Variants in ELOVL4 observed in about 807,000 individuals in gnomAD.
The protein encoded by ELOVL4 is very long chain fatty acid elongase 4.
A neutral mutation model predicts 42.1 loss-of-function variants in ELOVL4; 18 were observed. The observed-to-expected ratio is 0.43, with a 90% CI of 0.30 to 0.63. The LOEUF is 0.63. ELOVL4 is among the 30% of genes least tolerant of loss of function. ELOVL4 has a pLI of 0.15. For synonymous variants in ELOVL4, 117 were observed against 127.0 expected (o/e 0.92, Z 0.53); for missense variants, 299 against 376.2 (o/e 0.79, Z 1.70).
At chr6:79,926,136 C>T in intron 2 of ELOVL4, 58 bp downstream of exon 2, 2 of 1,442,770 alleles carry the variant, frequency 1.4e-6, no homozygotes, top group Non-Finnish European at 1.9e-6. Flanking sequence ...TTTACACATT[C>T]TCATTTTTAA....
chr6:79,926,401 C>G lies in ELOVL4; in HGVS notation c.101-20G>C. ...GCTTATCTATAGAGAGAACAAAATA[C>G]CATAAAATTCATTAATCAGTAAATG... On this transcript the variant is annotated intron_variant, in intron 1 of 5. Coordinates refer to ENST00000369816, the MANE Select transcript of ELOVL4 (RefSeq NM_022726.4). The G allele has an allele frequency of 6.2e-7, 1 of 1,605,146 alleles. No homozygotes were observed. Among genetic ancestry groups the G allele is most frequent in the Non-Finnish European group, 8.5e-7 (1 of 1,172,970 alleles).
chr6:79,929,564 C>G (rs895886627), intron 1 of ELOVL4, among the ~76,000 whole-genome samples: 2 of 152,166 alleles, frequency 1.3e-5, no homozygotes, highest in Non-Finnish European at 2.9e-5. Flanking sequence ...TCTAAGAAGA[C>G]CACATTTTCC....
chr6:79,929,984 G>C (rs1774415962), intron 1 of ELOVL4, among the ~76,000 whole-genome samples: 1 of 152,104 alleles, frequency 6.6e-6, no homozygotes, highest in African/African-American at 2.4e-5. Flanking sequence ...TATCCTTTCT[G>C]CCAAATCCAA....
At position 79,915,679 on chromosome 6, in the gene ELOVL4, C is replaced by T. The variant is rs574200602; in HGVS notation, c.*929G>A. 17 of 152,468 alleles carry T rather than the reference C, an allele frequency of 1.1e-4. No individual in the cohort carries two copies. The South Asian group carries it at 1.7e-3, about 15-fold the overall frequency. 9.4% of individuals were successfully genotyped at this position (152,468 alleles called of 1,614,324 possible). ...ATTTAATTTTAAATGTTCTTTCCAA[C>T]GGAAGAGGTAGGTATATTTCCACAT... On this transcript the variant is annotated 3_prime_UTR_variant, in exon 6 of 6. Coordinates refer to ENST00000369816, the MANE Select transcript of ELOVL4 (RefSeq NM_022726.4).
intron 4 of ELOVL4, among the ~76,000 whole-genome samples, chr6:79,919,931 T>A (rs1012354781): frequency 2.0e-5 from 3 of 152,150 alleles, no homozygotes; most frequent in African/African-American, 7.2e-5. Flanking sequence ...ACAGTACTTA[T>A]TTCTTAGGTT....
In ELOVL4 at chr6:79,926,229, CA is replaced by C; in HGVS notation, c.252del (p.Phe84LeufsTer41). On this transcript the variant is annotated frameshift_variant, in exon 2 of 6. Coordinates refer to ENST00000369816, the MANE Select transcript of ELOVL4 (RefSeq NM_022726.4). LOFTEE classifies it high-confidence loss of function. ...ATAAAGAGGTTAAGCAAAACCATCCCAAAATTATAGATAATGAGCACTAGAC... is the reference window on the plus strand; with the variant it reads ...ATAAAGAGGTTAAGCAAAACCATCCCAAATTATAGATAATGAGCACTAGAC... ...QMRLVLIIYN[F>X]GMVLLNLFIF... is the part of the protein sequence containing the mutation. The C allele has an allele frequency of 3.1e-6, 5 of 1,613,570 alleles. No homozygotes were observed. The highest frequency in any genetic ancestry group is 4.2e-6 in the Non-Finnish European group (5 of 1,179,824).
intron 1 of ELOVL4, among the ~76,000 whole-genome samples, chr6:79,928,422 CG>C (rs1774381256): frequency 6.6e-6 from 1 of 151,614 alleles, no homozygotes; most frequent in South Asian, 2.1e-4. Context: ...TTCTGAGTAG[CG>C]GGTAGAAAAA....
chr6:79,944,456 ATT>A (rs1268847089), intron 1 of ELOVL4, among the ~76,000 whole-genome samples: 1 of 152,188 alleles, frequency 6.6e-6, no homozygotes. Context: ...AATAAAAATT[ATT>A]TTTGTTGTTT....
At chr6:79,945,061 A>T (rs1246777274) in intron 1 of ELOVL4, among the ~76,000 whole-genome samples, 1 of 151,212 alleles carries the variant, frequency 6.6e-6, no homozygotes, top group Non-Finnish European at 1.5e-5. Flanking sequence ...ATGGGACACC[A>T]CAGACTTCAG....
At chr6:79,943,694 A>G (rs1365813440) in intron 1 of ELOVL4, among the ~76,000 whole-genome samples, 1 of 152,128 alleles carries the variant, frequency 6.6e-6, no homozygotes, top group East Asian at 1.9e-4. Context: ...GCAGTGACCA[A>G]GTGTCCTCCT....
Position 79,916,396 on chromosome 6 carries a change from T to C in ELOVL4, c.*212A>G. ...TTGGTCTGGAGAATATCAAGGCTAA[T>C]TTTTAAAAAAAATGTTTAAAATAAA... On this transcript the variant is annotated 3_prime_UTR_variant, in exon 6 of 6. Transcript: ENST00000369816. 3 of 585,728 alleles carry C rather than the reference T, an allele frequency of 5.1e-6. No homozygotes were observed. The highest frequency in any genetic ancestry group is 4.2e-5 in the South Asian group (2 of 47,708). The allele number at this position is 585,728 out of a possible 1,614,324, so 36.3% of individuals were successfully genotyped here.
chr6:79,924,189 TA>T (rs1187778297), intron 3 of ELOVL4, among the ~76,000 whole-genome samples: 1 of 152,130 alleles, frequency 6.6e-6, no homozygotes, highest in Non-Finnish European at 1.5e-5. Context: ...TCTGCAAATA[TA>T]AAAAAACTGA....
At chr6:79,941,839 T>C (rs1414784446) in intron 1 of ELOVL4, among the ~76,000 whole-genome samples, 3 of 152,338 alleles carry the variant, frequency 2.0e-5, no homozygotes, top group South Asian at 2.1e-4. Flanking sequence ...AACAAATATA[T>C]GTGATAATCT....
chr6:79,928,730 T>TTTTG (rs1554162866), intron 1 of ELOVL4, among the ~76,000 whole-genome samples: 1 of 132,340 alleles, frequency 7.6e-6, no homozygotes, highest in South Asian at 2.7e-4. Flanking sequence ...TGACTGGGTT[T>TTTTG]TTTTTTTTTT....
In ELOVL4 at chr6:79,926,266, AG is replaced by A. The variant is rs746047636; in HGVS notation, c.215del (p.Pro72LeufsTer6). 19 of 1,613,926 alleles carry A rather than the reference AG, an allele frequency of 1.2e-5. No homozygotes were observed. The highest frequency in any genetic ancestry group is 1.5e-5 in the Non-Finnish European group (18 of 1,179,964). On this transcript the variant is annotated frameshift_variant, in exon 2 of 6. Transcript: ENST00000369816. LOFTEE classifies it high-confidence loss of function. ...TAATGAGCACTAGACGCATCTGAAA[AG>A]GTTCTCGGTCCTTCATCCATTTTGG... Reference protein sequence around the residue: ...LGPKWMKDREPFQMRLVLIIY... With the variant: ...LGPKWMKDREXFQMRLVLIIY...
chr6:79,933,935 A>C (rs747570643), intron 1 of ELOVL4, among the ~76,000 whole-genome samples: 5 of 152,264 alleles, frequency 3.3e-5, no homozygotes, highest in Non-Finnish European at 7.3e-5. Flanking sequence ...AGAAAAGTTC[A>C]GGATTACTCC....
intron 2 of ELOVL4, among the ~76,000 whole-genome samples, chr6:79,925,851 T>A (rs981271140): frequency 1.3e-5 from 2 of 152,158 alleles, no homozygotes; most frequent in Non-Finnish European, 2.9e-5. Context: ...TGCCAAACAC[T>A]ATGCAAAAAT....
intron 4 of ELOVL4, among the ~76,000 whole-genome samples, chr6:79,920,109 T>G (rs1213117665): frequency 2.0e-5 from 3 of 152,220 alleles, no homozygotes; most frequent in Non-Finnish European, 4.4e-5. Flanking sequence ...TGTCATAAAG[T>G]GATCTAAGTC....
intron 1 of ELOVL4, among the ~76,000 whole-genome samples, chr6:79,930,414 C>G (rs564228915): frequency 6.6e-6 from 1 of 152,276 alleles, no homozygotes; most frequent in Admixed American, 6.5e-5. Context: ...CATAACAATT[C>G]CCAACCTTTT....
Sources: allele counts gnomAD v4.1 joint callset (sites outside exome capture counted in the v4.1 genomes callset), GRCh38; gene constraint gnomAD v4.1.1; transcripts MANE v1.5; gene names NCBI Gene and HGNC (gene_info 2026-07-23, HGNC 2026-07-21).